Variants in SLC25A21 observed in about 807,000 individuals in gnomAD.
SLC25A21 encodes the protein solute carrier family 25 member 21.
A neutral mutation model predicts 43.8 loss-of-function variants in SLC25A21; 47 were observed. The ratio of observed to expected loss-of-function variants is 1.07; its 90% CI spans 0.85 to 1.37. SLC25A21 has a LOEUF of 1.37. Among genes scored for constraint, SLC25A21 ranks in the 40% most tolerant of loss-of-function variants. The pLI is 0.00. For missense variants in SLC25A21, 352 were observed against 350.2 expected, an observed-to-expected ratio of 1.00 and a Z score of -0.04; for synonymous variants, 131 against 121.3, an observed-to-expected ratio of 1.08 and a Z score of -0.52.
chr14:36,839,830 T>C (rs1024263215), intron 2 of SLC25A21, among the ~76,000 whole-genome samples: 10 of 152,362 alleles, frequency 6.6e-5, no homozygotes, highest in African/African-American at 2.4e-4. Context: ...ATTCAGCATG[T>C]TACTGCTGGA....
rs546659552 is a variant in SLC25A21 at position 36,707,809 on chromosome 14, A to C, written c.603+3509T>G. 2.0e-5 allele frequency among the ~76,000 whole-genome samples: 3 copies of C among 152,336 alleles called. No homozygotes were observed. The East Asian group carries it at 5.8e-4, about 29-fold the overall frequency. On this transcript the variant is annotated intron_variant, in intron 7 of 9. Transcript: ENST00000331299. ...TACTGTACAGAGAAGATTACAGTGG[A>C]ATTTATTCAACTTTCACTTTTTAAA...
At chr14:36,762,500 CT>C (rs1160471858) in intron 3 of SLC25A21, among the ~76,000 whole-genome samples, 9 of 152,210 alleles carry the variant, frequency 5.9e-5, no homozygotes, top group African/African-American at 1.9e-4. Context: ...GAATTTGAAA[CT>C]AAGTGTGTGA....
At chr14:37,146,677 C>G in intron 1 of SLC25A21, among the ~76,000 whole-genome samples, 1 of 152,134 alleles carries the variant, frequency 6.6e-6, no homozygotes, top group East Asian at 1.9e-4. Flanking sequence ...TGCATTCATT[C>G]TTACATTTAA....
intron 1 of SLC25A21, among the ~76,000 whole-genome samples, chr14:37,139,691 C>T (rs980741648): frequency 3.3e-5 from 5 of 152,222 alleles, no homozygotes; most frequent in South Asian, 2.1e-4. Context: ...TCCTATGTTA[C>T]GCTTTAAAAT....
At chr14:37,021,510 A>G (rs1049398433) in intron 1 of SLC25A21, among the ~76,000 whole-genome samples, 1 of 151,802 alleles carries the variant, frequency 6.6e-6, no homozygotes, top group Non-Finnish European at 1.5e-5. Flanking sequence ...CCCCTCCTCT[A>G]TTTCTTCAGT....
At chr14:36,979,044 C>T (rs1959949135) in intron 1 of SLC25A21, among the ~76,000 whole-genome samples, 1 of 152,084 alleles carries the variant, frequency 6.6e-6, no homozygotes, top group South Asian at 2.1e-4. Context: ...GCCGATATGG[C>T]ACCACTGCAC....
intron 1 of SLC25A21, among the ~76,000 whole-genome samples, chr14:37,146,068 C>T (rs1387984692): frequency 6.6e-6 from 1 of 152,182 alleles, no homozygotes; most frequent in Non-Finnish European, 1.5e-5. Flanking sequence ...CCCACTCCTT[C>T]AGATTGTTTA....
intron 3 of SLC25A21, among the ~76,000 whole-genome samples, chr14:36,776,174 T>G (rs1358495964): frequency 2.6e-5 from 4 of 151,040 alleles, no homozygotes; most frequent in Non-Finnish European, 5.9e-5. Context: ...ACTCAATCCA[T>G]CAATTCTTGA....
chr14:36,875,615 C>A (rs1030269171), intron 1 of SLC25A21, among the ~76,000 whole-genome samples: 1 of 152,142 alleles, frequency 6.6e-6, no homozygotes, highest in Non-Finnish European at 1.5e-5. Context: ...GTCACAAGAA[C>A]TTTATGTGAT....
intron 3 of SLC25A21, among the ~76,000 whole-genome samples, chr14:36,751,015 G>A (rs542803459): frequency 7.2e-5 from 11 of 152,256 alleles, no homozygotes; most frequent in East Asian, 3.9e-4. Flanking sequence ...GAAGATGGGC[G>A]GGCTAGAGGG....
At chr14:37,108,638 C>A (rs763562662) in intron 1 of SLC25A21, among the ~76,000 whole-genome samples, 1 of 151,680 alleles carries the variant, frequency 6.6e-6, no homozygotes, top group Non-Finnish European at 1.5e-5. Context: ...CTTGCTGCTA[C>A]AGTAATGAGT....
Position 36,904,772 on chromosome 14 carries a change from C to T in SLC25A21, c.71-29768G>A, listed in dbSNP as rs760999047. Among the ~76,000 whole-genome samples the T allele has an allele frequency of 2.0e-5, 3 of 152,222 alleles. No individual in the cohort carries two copies. The South Asian group carries it at 6.2e-4, about 32-fold the overall frequency. On this transcript the variant is annotated intron_variant, in intron 1 of 9. Transcript: ENST00000331299. ...TCTCTTGGGAACTCACTTACTATCA[C>T]GAGAACAGCATGGGGGAAATCGCCC...
intron 1 of SLC25A21, among the ~76,000 whole-genome samples, chr14:36,894,517 T>G (rs1206157361): frequency 6.6e-6 from 1 of 152,076 alleles, no homozygotes; most frequent in African/African-American, 2.4e-5. Context: ...TTTTCCTAAT[T>G]GAATACCCTT....
At chr14:36,981,686 C>T (rs922553221) in intron 1 of SLC25A21, among the ~76,000 whole-genome samples, 4 of 151,322 alleles carry the variant, frequency 2.6e-5, no homozygotes, top group African/African-American at 4.9e-5. Flanking sequence ...TGGGGCCTGT[C>T]GTGGGGTGGG....
intron 1 of SLC25A21, among the ~76,000 whole-genome samples, chr14:37,095,557 C>CA (rs1309000865): frequency 6.6e-6 from 1 of 151,850 alleles, no homozygotes; most frequent in Non-Finnish European, 1.5e-5. Flanking sequence ...CTACACTATT[C>CA]AGTAAAAACA....
intron 3 of SLC25A21, among the ~76,000 whole-genome samples, chr14:36,770,811 T>C (rs1013776444): frequency 2.6e-5 from 4 of 152,220 alleles, no homozygotes; most frequent in African/African-American, 7.2e-5. Context: ...TATATAATTA[T>C]GTTATGTGTA....
chr14:36,957,488 G>T (rs1959371304), intron 1 of SLC25A21, among the ~76,000 whole-genome samples: 1 of 152,196 alleles, frequency 6.6e-6, no homozygotes, highest in Non-Finnish European at 1.5e-5. Context: ...AGTGGGTTGG[G>T]AGTAGGACGG....
intron 1 of SLC25A21, among the ~76,000 whole-genome samples, chr14:37,045,047 C>CA (rs1961558205): frequency 1.3e-5 from 2 of 152,172 alleles, no homozygotes; most frequent in African/African-American, 4.8e-5. Flanking sequence ...CTCCTCTTCC[C>CA]ACCCATGCTC....
At chr14:36,755,377 A>G (rs1885884494) in intron 3 of SLC25A21, among the ~76,000 whole-genome samples, 1 of 152,346 alleles carries the variant, frequency 6.6e-6, no homozygotes, top group East Asian at 1.9e-4. Context: ...CCATACATGT[A>G]TGCACACAAG....
Sources: allele counts gnomAD v4.1 joint callset (sites outside exome capture counted in the v4.1 genomes callset), GRCh38; gene constraint gnomAD v4.1.1; transcripts MANE v1.5; gene names NCBI Gene and HGNC (gene_info 2026-07-23, HGNC 2026-07-21).